Variants in GRM5 observed in about 807,000 individuals in gnomAD.
The protein encoded by GRM5 is metabotropic glutamate receptor 5.
Under a neutral mutation model 83.1 loss-of-function variants are expected in GRM5, and 19 were observed. The ratio of observed to expected loss-of-function variants is 0.23; its 90% confidence interval spans 0.16 to 0.34. The LOEUF (loss-of-function observed/expected upper bound fraction) is 0.34. Among genes scored for constraint, GRM5 ranks in the 10% least tolerant of loss-of-function variants. The pLI, the probability that GRM5 is intolerant of heterozygous loss-of-function variation, is 1.00. For missense variants in GRM5, 1,160 were observed against 1,588.3 expected (o/e 0.73, Z 4.58); for synonymous variants, 675 against 633.6 (o/e 1.07, Z -0.98).
chr11:88,921,621 C>T (rs1183381464), intron 2 of GRM5, among the ~76,000 whole-genome samples: 1 of 103,400 alleles, frequency 9.7e-6, no homozygotes, highest in Non-Finnish European at 2.1e-5. Flanking sequence ...CAGAGTGAGA[C>T]TCCATTTAAA....
chr11:88,685,556 C>T (rs1940599920), intron 3 of GRM5, among the ~76,000 whole-genome samples: 1 of 152,186 alleles, frequency 6.6e-6, no homozygotes, highest in Non-Finnish European at 1.5e-5. Flanking sequence ...GAAAATGTCT[C>T]CAAGGCATGT....
intron 2 of GRM5, among the ~76,000 whole-genome samples, chr11:88,946,173 TC>T (rs1754100726): frequency 6.6e-6 from 1 of 151,752 alleles, no homozygotes; most frequent in African/African-American, 2.4e-5. Flanking sequence ...CAACTCAAAA[TC>T]ACAAAGAGAT....
chr11:88,616,441 T>G (rs934323113), intron 4 of GRM5, among the ~76,000 whole-genome samples: 3 of 146,016 alleles, frequency 2.1e-5, no homozygotes, highest in Non-Finnish European at 4.5e-5. Context: ...AATCTGATTT[T>G]CATTAAAAAT....
At chr11:88,819,144 G>C (rs930606798) in intron 3 of GRM5, among the ~76,000 whole-genome samples, 1 of 152,212 alleles carries the variant, frequency 6.6e-6, no homozygotes, top group African/African-American at 2.4e-5. Flanking sequence ...TCCTAATAGA[G>C]TGGAAAGAGC....
At chr11:88,840,378 T>G (rs1236836226) in intron 3 of GRM5, among the ~76,000 whole-genome samples, 2 of 152,172 alleles carry the variant, frequency 1.3e-5, no homozygotes, top group Non-Finnish European at 2.9e-5. Context: ...CCAAAAGCAC[T>G]CATCTCCATC....
At chr11:88,942,424 A>G (rs1327542666) in intron 2 of GRM5, among the ~76,000 whole-genome samples, 1 of 152,008 alleles carries the variant, frequency 6.6e-6, no homozygotes, top group East Asian at 1.9e-4. Flanking sequence ...AGCAGGAAAT[A>G]CAATTTGACG....
intron 2 of GRM5, among the ~76,000 whole-genome samples, chr11:88,887,282 A>C (rs1355570183): frequency 1.3e-5 from 2 of 152,168 alleles, no homozygotes; most frequent in Admixed American, 1.3e-4. Flanking sequence ...TAGTAAGGGG[A>C]TTTTAAGTCT....
chr11:88,861,326 T>C (rs1944558216), intron 2 of GRM5, among the ~76,000 whole-genome samples: 1 of 152,188 alleles, frequency 6.6e-6, no homozygotes, highest in African/African-American at 2.4e-5. Flanking sequence ...GTAGATCAAA[T>C]ACACTAGGCT....
intron 7 of GRM5, among the ~76,000 whole-genome samples, chr11:88,581,035 G>C (rs1943205150): frequency 6.6e-6 from 1 of 152,134 alleles, no homozygotes. Flanking sequence ...TTGAACCCGG[G>C]AGGCGGAGGT....
intron 3 of GRM5, among the ~76,000 whole-genome samples, chr11:88,706,540 A>G (rs1941162943): frequency 6.6e-6 from 1 of 152,104 alleles, no homozygotes. Context: ...TTGCGATACA[A>G]TTTATCATCT....
At chr11:88,606,367 G>A (rs7121813) in intron 4 of GRM5, among the ~76,000 whole-genome samples, 131,228 of 152,128 alleles carry the variant, frequency 0.86, 57,289 homozygotes, top group Non-Finnish European at 0.94. Context: ...TACTAAAAAC[G>A]CAAAATTAGC....
chr11:88,564,043 A>G (rs1942817475), intron 8 of GRM5, among the ~76,000 whole-genome samples: 1 of 152,208 alleles, frequency 6.6e-6, no homozygotes, highest in African/African-American at 2.4e-5. Flanking sequence ...CATGTGATAC[A>G]AAAGAATTAT....
At chr11:88,802,031 G>A (rs1310249430) in intron 3 of GRM5, among the ~76,000 whole-genome samples, 1 of 152,110 alleles carries the variant, frequency 6.6e-6, no homozygotes, top group Non-Finnish European at 1.5e-5. Context: ...GGGAAATGTG[G>A]AGAAATGCTT....
intron 3 of GRM5, among the ~76,000 whole-genome samples, chr11:88,740,256 T>C (rs1308350200): frequency 6.6e-6 from 1 of 152,068 alleles, no homozygotes; most frequent in Non-Finnish European, 1.5e-5. Flanking sequence ...TTTCCATCTT[T>C]TTAACTTTTT....
chr11:88,699,384 T>A (rs1448319624), intron 3 of GRM5, among the ~76,000 whole-genome samples: 1 of 152,154 alleles, frequency 6.6e-6, no homozygotes, highest in African/African-American at 2.4e-5. Flanking sequence ...TCTTTCTTAT[T>A]ATCCTTTAAA....
chr11:88,505,243 T>C lies in GRM5; in HGVS notation c.*3349A>G, dbSNP rs944072320. On this transcript the variant is annotated 3_prime_UTR_variant, in exon 10 of 10. Transcript: ENST00000305447. Reference sequence around the variant, plus strand: ...GACAGCTTGAGGGTTATTAATAAGCTGTTGCTAAATGTGAACTCACATAAT... The same window carrying C: ...GACAGCTTGAGGGTTATTAATAAGCCGTTGCTAAATGTGAACTCACATAAT... 1.5e-4 allele frequency: 23 copies of C among 152,224 alleles called. No individual in the cohort carries two copies. Among genetic ancestry groups the C allele is most frequent in the African/African-American group, 5.5e-4 (23 of 41,470 alleles). The allele number at this position is 152,224 out of a possible 1,614,324, so 9.4% of individuals were successfully genotyped here.
intron 4 of GRM5, among the ~76,000 whole-genome samples, chr11:88,607,741 A>G (rs529910146): frequency 4.6e-5 from 7 of 152,286 alleles, no homozygotes; most frequent in African/African-American, 1.7e-4. Context: ...ATCTTCAAAC[A>G]TGCTAGGCAT....
At chr11:88,973,601 A>G (rs1939235057) in intron 2 of GRM5, among the ~76,000 whole-genome samples, 2 of 152,138 alleles carry the variant, frequency 1.3e-5, no homozygotes, top group Admixed American at 1.3e-4. Flanking sequence ...TCTCTGGAGG[A>G]GACCCCCATC....
chr11:88,845,423 C>CTTTTTTTTT lies in GRM5; in HGVS notation c.911+4474_911+4482dup, dbSNP rs71046265. On this transcript the variant is annotated intron_variant, in intron 3 of 9. Coordinates refer to ENST00000305447, the MANE Select transcript of GRM5 (RefSeq NM_001143831.3). ...AGGCTACAGTACAGTATAAACATAA[C>CTTTTTTTTT]TTTTTTTTTTTTTTTTTTTTTTTTT... Among the ~76,000 whole-genome samples the CTTTTTTTTT allele has an allele frequency of 9.9e-3, 916 of 92,318 alleles. 175 individuals carry two copies. The highest frequency in any genetic ancestry group is 0.017 in the African/African-American group (376 of 22,188). The allele number at this position is 92,318 out of a possible 152,430, so 60.6% of individuals were successfully genotyped here.
Sources: allele counts gnomAD v4.1 joint callset (sites outside exome capture counted in the v4.1 genomes callset), GRCh38; gene constraint gnomAD v4.1.1; transcripts MANE v1.5; gene names NCBI Gene and HGNC (gene_info 2026-07-23, HGNC 2026-07-21).